SMIM10L3: variants seen among roughly 807,000 people sequenced by gnomAD.
SMIM10L3 encodes salivary gland specific protein SAGSIN1.
chr7:6,336,623 G>T, the SMIM10L3 span, among the ~76,000 whole-genome samples: 1 of 151,404 alleles, frequency 6.6e-6, no homozygotes, highest in Non-Finnish European at 1.5e-5. Flanking sequence ...AGCAGAGGCT[G>T]CCGTGAGCCA....
chr7:6,337,086 T>TGA, the SMIM10L3 span, among the ~76,000 whole-genome samples: 1 of 151,690 alleles, frequency 6.6e-6, no homozygotes, highest in Non-Finnish European at 1.5e-5. Flanking sequence ...TTTTTTTTTT[T>TGA]GAGACAAGAG....
the SMIM10L3 span, among the ~76,000 whole-genome samples, chr7:6,337,898 G>C: frequency 6.2e-4 from 94 of 151,628 alleles, 5 homozygotes; most frequent in African/African-American, 2.2e-3. Flanking sequence ...CCGCCTCCCA[G>C]GTTCAAGCAA....
chr7:6,335,819 G>A, the SMIM10L3 span, among the ~76,000 whole-genome samples: 3 of 152,086 alleles, frequency 2.0e-5, no homozygotes, highest in Admixed American at 2.0e-4. Context: ...AGGATGGCTT[G>A]AGCCCAGGGG....
the SMIM10L3 span, among the ~76,000 whole-genome samples, chr7:6,335,613 A>G: frequency 2.0e-5 from 3 of 152,312 alleles, no homozygotes; most frequent in South Asian, 6.2e-4. Context: ...TCTATGTTTT[A>G]TAATATGTAT....
the SMIM10L3 span, among the ~76,000 whole-genome samples, chr7:6,333,337 G>A: frequency 1.3e-5 from 2 of 152,064 alleles, no homozygotes; most frequent in South Asian, 2.1e-4. Flanking sequence ...AGGACAGGAT[G>A]GCTGGATTTG....
chr7:6,342,520 C>G, the SMIM10L3 span, among the ~76,000 whole-genome samples: 3 of 151,768 alleles, frequency 2.0e-5, no homozygotes, highest in African/African-American at 7.3e-5. Context: ...GCCTGGGTGA[C>G]AAAGCGAGAC....
chr7:6,344,835 G>C, the SMIM10L3 span, among the ~76,000 whole-genome samples: 1 of 151,680 alleles, frequency 6.6e-6, no homozygotes, highest in African/African-American at 2.4e-5. Flanking sequence ...CCACCTCCCA[G>C]GGTTCAAGTA....
chr7:6,329,964 G>C, the SMIM10L3 span: 3 of 178,536 alleles, frequency 1.7e-5, no homozygotes, highest in East Asian at 5.5e-4. Flanking sequence ...AAGATTTAAC[G>C]CCAAGTACAG....
chr7:6,338,074 G>T, the SMIM10L3 span, among the ~76,000 whole-genome samples: 1 of 152,086 alleles, frequency 6.6e-6, no homozygotes, highest in Non-Finnish European at 1.5e-5. Context: ...AAAGCACTGC[G>T]ATTACAGGCG....
chr7:6,330,561 C>T, the SMIM10L3 span: 1 of 1,614,176 alleles, frequency 6.2e-7, no homozygotes, highest in East Asian at 2.2e-5. Context: ...CTTCGGGATA[C>T]ACGTGCAGCG....
the SMIM10L3 span, among the ~76,000 whole-genome samples, chr7:6,334,135 C>T: frequency 2.4e-3 from 359 of 151,212 alleles, 1 homozygote; most frequent in Non-Finnish European, 4.7e-3. Context: ...CGTGAGCCAC[C>T]GCACCCAGCC....
the SMIM10L3 span, among the ~76,000 whole-genome samples, chr7:6,335,988 C>T: frequency 6.6e-6 from 1 of 152,036 alleles, no homozygotes; most frequent in Non-Finnish European, 1.5e-5. Context: ...GCCTGGTCTA[C>T]ACGGTGAAAC....
the SMIM10L3 span, among the ~76,000 whole-genome samples, chr7:6,340,227 A>G: frequency 6.6e-6 from 1 of 152,180 alleles, no homozygotes; most frequent in Non-Finnish European, 1.5e-5. Context: ...AGAAGCAGCC[A>G]GAATCTTCTC....
chr7:6,336,356 A>C, the SMIM10L3 span, among the ~76,000 whole-genome samples: 1 of 151,144 alleles, frequency 6.6e-6, no homozygotes, highest in Non-Finnish European at 1.5e-5. Context: ...CTCAAAAAAG[A>C]AAAGAAAAAA....
chr7:6,332,409 C>T, the SMIM10L3 span, among the ~76,000 whole-genome samples: 2 of 152,180 alleles, frequency 1.3e-5, no homozygotes, highest in Admixed American at 1.3e-4. Context: ...TCTGTAAACT[C>T]ACTTTTGAGT....
the SMIM10L3 span, chr7:6,348,923 G>C: frequency 2.6e-5 from 10 of 384,380 alleles, no homozygotes; most frequent in East Asian, 3.4e-4. Flanking sequence ...GCTCGGAGAA[G>C]TGCCTCCGCG....
the SMIM10L3 span, among the ~76,000 whole-genome samples, chr7:6,344,148 G>GAAAAAA: frequency 1.7e-5 from 2 of 120,174 alleles, no homozygotes; most frequent in Admixed American, 8.4e-5. Context: ...TGAAGAACAA[G>GAAAAAA]AAAAAAAAAA....
the SMIM10L3 span, among the ~76,000 whole-genome samples, chr7:6,335,379 C>T: frequency 2.0e-5 from 3 of 152,076 alleles, no homozygotes; most frequent in African/African-American, 4.8e-5. Context: ...CCCGCCACCA[C>T]GCCTGGCTAA....
At chr7:6,333,944 T>A in the SMIM10L3 span, among the ~76,000 whole-genome samples, 1 of 150,672 alleles carries the variant, frequency 6.6e-6, no homozygotes, top group Admixed American at 6.7e-5. Flanking sequence ...CCTCCCGGGT[T>A]CACGCCATTC....
Sources: gnomAD v4.1 joint callset for allele counts (sites outside exome capture counted in the v4.1 genomes callset) on GRCh38, gnomAD v4.1.1 for gene constraint, MANE v1.5 for transcripts, NCBI Gene and HGNC (gene_info 2026-07-23, HGNC 2026-07-21) for gene names.